BABAM2: variants seen among roughly 807,000 people sequenced by gnomAD.
BABAM2 encodes the protein BRISC and BRCA1 A complex member 2.
A neutral mutation model predicts 54.7 loss-of-function variants in BABAM2; 31 were observed. The observed-to-expected ratio is 0.57, with a 90% CI of 0.43 to 0.77. The LOEUF (loss-of-function observed/expected upper bound fraction) is 0.77. BABAM2 is among the 30% of genes least tolerant of loss of function. The probability of loss-of-function intolerance (pLI) is 0.00; values close to 1 mark genes in which losing one functional copy is unlikely to be tolerated. For synonymous variants in BABAM2, 167 were observed against 162.9 expected, an observed-to-expected ratio of 1.03 and a Z score of -0.19; for missense variants, 364 against 455.8, an observed-to-expected ratio of 0.80 and a Z score of 1.83.
intron 6 of BABAM2, among the ~76,000 whole-genome samples, chr2:28,066,437 C>T (rs776712958): frequency 2.0e-5 from 3 of 151,990 alleles, no homozygotes; most frequent in East Asian, 1.9e-4. Flanking sequence ...AGACATGTAT[C>T]GATAGGTTAT....
At chr2:28,116,892 AT>A (rs1300503262) in intron 6 of BABAM2, among the ~76,000 whole-genome samples, 1 of 152,208 alleles carries the variant, frequency 6.6e-6, no homozygotes, top group Non-Finnish European at 1.5e-5. Context: ...TTTGACAAAA[AT>A]TTTGTCTATA....
intron 6 of BABAM2, among the ~76,000 whole-genome samples, chr2:28,076,501 G>T (rs1664691548): frequency 6.6e-6 from 1 of 150,740 alleles, no homozygotes. Flanking sequence ...TAGTTAGTTA[G>T]TTAGTTATTT....
intron 5 of BABAM2, among the ~76,000 whole-genome samples, chr2:28,040,294 C>CTTTTTTTTTTTTTTTTGTTTTT (rs1676972434): frequency 1.7e-5 from 1 of 59,470 alleles, no homozygotes. Context: ...AAACTGAATT[C>CTTTTTTTTTTTTTTTTGTTTTT]TTTTTTTTTT....
chr2:28,104,799 T>TGA lies in BABAM2; in HGVS notation c.571-24472_571-24471insGA, dbSNP rs1209832184. On this transcript the variant is annotated intron_variant, in intron 6 of 11. Transcript: ENST00000379624. ...GACTTGGAACCAACCCAAATGTCCATCAATGATAGACTGGATTAAGAAAAT... is the reference window on the plus strand; with the variant it reads ...GACTTGGAACCAACCCAAATGTCCATGACAATGATAGACTGGATTAAGAAAAT... 6.6e-5 allele frequency among the ~76,000 whole-genome samples: 10 copies of TGA among 152,174 alleles called. 1 individual carries two copies. Among genetic ancestry groups the TGA allele is most frequent in the African/African-American group, 7.2e-5 (3 of 41,440 alleles).
intron 2 of BABAM2, among the ~76,000 whole-genome samples, chr2:27,903,776 A>G (rs889072876): frequency 6.6e-6 from 1 of 152,214 alleles, no homozygotes; most frequent in Non-Finnish European, 1.5e-5. Flanking sequence ...AAGCAAAACT[A>G]GCACAAATTT....
intron 4 of BABAM2, among the ~76,000 whole-genome samples, chr2:28,008,930 T>C (rs1334506476): frequency 1.3e-5 from 2 of 152,272 alleles, no homozygotes; most frequent in African/African-American, 4.8e-5. Context: ...TGATATTCAT[T>C]GTTAGAAGTA....
At chr2:28,198,785 T>C (rs114387061) in intron 7 of BABAM2, among the ~76,000 whole-genome samples, 4,160 of 152,236 alleles carry the variant, frequency 0.027, 169 homozygotes, top group African/African-American at 0.094. Flanking sequence ...TCAACAGTCT[T>C]TGGTCTTGAC....
chr2:28,150,896 T>G (rs1260814089), intron 7 of BABAM2, among the ~76,000 whole-genome samples: 2 of 152,138 alleles, frequency 1.3e-5, no homozygotes, highest in Non-Finnish European at 2.9e-5. Context: ...AAAAAAACAA[T>G]GTGAGAATGA....
Position 28,054,075 on chromosome 2 carries a change from T to A in BABAM2, c.570+8276T>A, listed in dbSNP as rs564482287. ...TAAAGTAAAAGATAAACCGTTTTTT[T>A]AAATCCAGCCCAGGCATTGGGCTGG... On this transcript the variant is annotated intron_variant, in intron 6 of 11. Transcript: ENST00000379624. 1.1e-4 allele frequency among the ~76,000 whole-genome samples: 17 copies of A among 152,268 alleles called. No individual in the cohort carries two copies. In the East Asian group the frequency reaches 1.4e-3, roughly 12 times the overall value.
In BABAM2 at chr2:28,084,212, A is replaced by G. The variant is rs150509826; in HGVS notation, c.570+38413A>G. On this transcript the variant is annotated intron_variant, in intron 6 of 11. Coordinates refer to ENST00000379624, the MANE Select transcript of BABAM2 (RefSeq NM_199191.3). ...GGAGAGGGTCTAAAGGTAGGAAAGT[A>G]GTAGGAACTACCAAGTTGATTAGAA... 2.9e-4 allele frequency among the ~76,000 whole-genome samples: 44 copies of G among 152,300 alleles called. No homozygotes were observed. The South Asian group carries it at 5.0e-3, about 17-fold the overall frequency.
intron 6 of BABAM2, among the ~76,000 whole-genome samples, chr2:28,101,147 G>A (rs185562764): frequency 6.6e-6 from 1 of 152,142 alleles, no homozygotes; most frequent in Non-Finnish European, 1.5e-5. Context: ...GACTCATCCA[G>A]GTTTTAAATA....
intron 11 of BABAM2, chr2:28,310,347 C>G (rs1688964643): frequency 1.8e-6 from 1 of 541,344 alleles, no homozygotes; most frequent in African/African-American, 1.9e-5. Context: ...AGTCTCCTGG[C>G]TCCCCTGGGG....
chr2:28,137,422 T>C (rs1405430534), intron 7 of BABAM2, among the ~76,000 whole-genome samples: 1 of 152,194 alleles, frequency 6.6e-6, no homozygotes, highest in African/African-American at 2.4e-5. Flanking sequence ...ATGTTCGTTT[T>C]ACTAGTCTGG....
intron 7 of BABAM2, among the ~76,000 whole-genome samples, chr2:28,190,682 G>A (rs1676808150): frequency 6.6e-6 from 1 of 152,006 alleles, no homozygotes; most frequent in Non-Finnish European, 1.5e-5. Flanking sequence ...GCAAAACTCT[G>A]TCTCAAAAAA....
At chr2:27,942,879 C>T (rs1006612308) in intron 3 of BABAM2, among the ~76,000 whole-genome samples, 1 of 151,830 alleles carries the variant, frequency 6.6e-6, no homozygotes, top group African/African-American at 2.4e-5. Flanking sequence ...TTATAGCTCA[C>T]TGCAGCTCTG....
At chr2:28,118,269 G>T (rs768377663) in intron 6 of BABAM2, among the ~76,000 whole-genome samples, 2 of 152,170 alleles carry the variant, frequency 1.3e-5, no homozygotes, top group Non-Finnish European at 2.9e-5. Context: ...TGGTATCTCT[G>T]GTTCCAGATC....
At chr2:28,111,402 T>C (rs1455287555) in intron 6 of BABAM2, among the ~76,000 whole-genome samples, 1 of 152,208 alleles carries the variant, frequency 6.6e-6, no homozygotes, top group South Asian at 2.1e-4. Context: ...TGGATATTAA[T>C]CCCTTATCAG....
At chr2:27,903,227 G>C (rs1665940672) in intron 2 of BABAM2, among the ~76,000 whole-genome samples, 1 of 151,954 alleles carries the variant, frequency 6.6e-6, no homozygotes, top group South Asian at 2.1e-4. Context: ...CAGCCTCACT[G>C]TCCTTGTGCC....
intron 2 of BABAM2, among the ~76,000 whole-genome samples, chr2:27,917,582 T>C (rs1667073208): frequency 6.6e-6 from 1 of 152,190 alleles, no homozygotes; most frequent in African/African-American, 2.4e-5. Context: ...CTAATCCTAT[T>C]TATGAGGCCT....
Sources: allele counts gnomAD v4.1 joint callset (sites outside exome capture counted in the v4.1 genomes callset), GRCh38; gene constraint gnomAD v4.1.1; transcripts MANE v1.5; gene names NCBI Gene and HGNC (gene_info 2026-07-23, HGNC 2026-07-21).